FCSK: variants seen among roughly 807,000 people sequenced by gnomAD.
FCSK encodes the protein fucose kinase, also known as L-fucose kinase.
A neutral mutation model predicts 122.5 loss-of-function variants in FCSK; 123 were observed. That is an observed-to-expected ratio of 1.00 (90% CI 0.87 to 1.17). FCSK has a LOEUF of 1.17. Ranked by LOEUF, FCSK falls within the 50% of genes most tolerant of loss-of-function variation. FCSK has a pLI of 0.00. For missense variants in FCSK, 1,366 were observed against 1,450.4 expected (o/e 0.94, Z 0.95); for synonymous variants, 620 against 625.5 (o/e 0.99, Z 0.13).
chr16:70,474,448 GAC>G, intron 16 of FCSK, 78 bp from the exon 17 acceptor site: 3 of 1,546,290 alleles, frequency 1.9e-6, no homozygotes, highest in Non-Finnish European at 2.6e-6. Context: ...GGTACCCCGG[GAC>G]AGTCAGGTCC....
chr16:70,466,436 T>C (rs773211047), intron 5 of FCSK, 179 bp downstream of exon 5: 110 of 729,122 alleles, frequency 1.5e-4, no homozygotes, highest in Admixed American at 2.4e-4. Context: ...CTCATGCCTA[T>C]AATTTCAGCA....
At position 70,479,793 on chromosome 16, in the gene FCSK, C is replaced by T. The variant is rs1296235830; in HGVS notation, c.*113C>T. ...CCCACCCACCTCTGCGAATCTGCTC[C>T]CAAAGGAAGCTGACCAGAGCAAGAT... On this transcript the variant is annotated 3_prime_UTR_variant, in exon 24 of 24. Coordinates refer to ENST00000288078, the MANE Select transcript of FCSK (RefSeq NM_145059.3). 1.1e-5 allele frequency: 8 copies of T among 760,044 alleles called. No homozygotes were observed. In the East Asian group the frequency reaches 2.2e-4, roughly 20 times the overall value. 47.1% of individuals were successfully genotyped at this position (760,044 alleles called of 1,614,324 possible).
At chr16:70,460,961 G>A (rs1467506210) in intron 1 of FCSK, among the ~76,000 whole-genome samples, 1 of 152,228 alleles carries the variant, frequency 6.6e-6, no homozygotes, top group Non-Finnish European at 1.5e-5. Flanking sequence ...GGGAGGGCTT[G>A]GTGGGCATCC....
At chr16:70,456,289 C>G (rs1472817822) in intron 1 of FCSK, among the ~76,000 whole-genome samples, 1 of 152,232 alleles carries the variant, frequency 6.6e-6, no homozygotes, top group Admixed American at 6.5e-5. Context: ...TTTTAAACTA[C>G]AGTTTTCTTG....
rs2048923793 is a variant in FCSK at position 70,479,310 on chromosome 16, C to A, written c.3060C>A (p.Ser1020Arg). 2.5e-6 allele frequency: 4 copies of A among 1,613,948 alleles called. No individual in the cohort carries two copies. The highest frequency in any genetic ancestry group is 3.4e-6 in the Non-Finnish European group (4 of 1,180,044). Residue 1020 changes from serine to arginine, a missense_variant, in exon 23 of 24, where the codon AGC (serine) becomes AGA (arginine). Ser to Arg is a moderately radical substitution (Grantham distance 110, BLOSUM62 -1). Coordinates refer to ENST00000288078, the MANE Select transcript of FCSK (RefSeq NM_145059.3). ...TGGCCCCCCACGTGCATGGCCAGAG[C>A]CTGGCTGGGGCAGGCGGTGGAGGCT... ...DVLAPHVHGQ[S>R]LAGAGGGGFL...
At chr16:70,459,468 G>A (rs1450092673) in intron 1 of FCSK, among the ~76,000 whole-genome samples, 1 of 152,032 alleles carries the variant, frequency 6.6e-6, no homozygotes, top group African/African-American at 2.4e-5. Context: ...AACCCAGGAG[G>A]TGGAGATTAC....
Position 70,478,538 on chromosome 16 carries a change from GC to G in FCSK, c.2830-9del, listed in dbSNP as rs1567714968. 1 of 1,613,542 alleles carries G rather than the reference GC, an allele frequency of 6.2e-7. No individual in the cohort carries two copies. ...CTGGGTCCTCACCACCCCTTCTCCTGCCCCGTCCGCAGGATGTGCTGAGGAG... is the reference window on the plus strand; with the variant it reads ...CTGGGTCCTCACCACCCCTTCTCCTGCCCGTCCGCAGGATGTGCTGAGGAG... On this transcript the variant is annotated splice_polypyrimidine_tract_variant and intron_variant, in intron 21 of 23. Coordinates refer to ENST00000288078, the MANE Select transcript of FCSK (RefSeq NM_145059.3).
At chr16:70,470,071 C>T (rs2048561885) in intron 10 of FCSK, among the ~76,000 whole-genome samples, 1 of 151,694 alleles carries the variant, frequency 6.6e-6, no homozygotes, top group South Asian at 2.1e-4. Context: ...TCTCGAACTC[C>T]TGACCTCGTG....
intron 2 of FCSK, 36 bp downstream of exon 2, chr16:70,463,308 A>G (rs375505442): frequency 1.3e-6 from 2 of 1,555,980 alleles, no homozygotes; most frequent in African/African-American, 2.7e-5. Context: ...CCCCTAATGG[A>G]GAACCTCCCT....
intron 10 of FCSK, 116 bp downstream of exon 10, chr16:70,469,439 C>G: frequency 1.0e-6 from 1 of 973,778 alleles, no homozygotes; most frequent in Non-Finnish European, 1.5e-6. Flanking sequence ...CTGGGCAGTT[C>G]TCCTGTCCTG....
chr16:70,469,584 CTCTT>C (rs1282985108), intron 10 of FCSK, among the ~76,000 whole-genome samples: 2 of 152,148 alleles, frequency 1.3e-5, no homozygotes, highest in African/African-American at 2.4e-5. Context: ...GACGGACTCT[CTCTT>C]TGTCGCCCCG....
At position 70,467,916 on chromosome 16, in the gene FCSK, A is replaced by G. The variant is rs745379846; in HGVS notation, c.613A>G (p.Thr205Ala). The G allele has an allele frequency of 1.2e-6, 2 of 1,614,126 alleles. No individual in the cohort carries two copies. The highest frequency in any genetic ancestry group is 1.7e-6 in the Non-Finnish European group (2 of 1,180,014). The change falls in exon 8 of 24, where the codon ACT (threonine) becomes GCT (alanine). Residue 205 changes from threonine (T) to alanine (A), a missense_variant. By Grantham distance (58) the Thr-to-Ala change is moderately conservative (BLOSUM62 0). Transcript: ENST00000288078. ...GLVLDIYYQGTEAEIQRCVRP... is the reference protein window; with the variant it reads ...GLVLDIYYQGAEAEIQRCVRP... ...TGTTTTGGACATTTACTACCAGGGC[A>G]CTGAGGCAGAGATTCAGCGGTGTGT...
At chr16:70,469,958 C>T (rs999639725) in intron 10 of FCSK, among the ~76,000 whole-genome samples, 1 of 152,112 alleles carries the variant, frequency 6.6e-6, no homozygotes, top group African/African-American at 2.4e-5. Flanking sequence ...GATTCTCCTG[C>T]CTCAGCTGCC....
chr16:70,474,728 G>C, intron 17 of FCSK, 34 bp downstream of exon 17: 1 of 1,571,048 alleles, frequency 6.4e-7, no homozygotes, highest in South Asian at 1.2e-5. Context: ...GTTGAGGGTA[G>C]CTGCCCCAGA....
At chr16:70,458,163 CTTTT>C (rs35217051) in intron 1 of FCSK, among the ~76,000 whole-genome samples, 19 of 140,392 alleles carry the variant, frequency 1.4e-4, no homozygotes, top group African/African-American at 4.1e-4. Flanking sequence ...TTCTTTCTTT[CTTTT>C]TTTTTTTTTT....
At chr16:70,462,705 C>T (rs750135078) in intron 1 of FCSK, among the ~76,000 whole-genome samples, 5 of 151,962 alleles carry the variant, frequency 3.3e-5, no homozygotes, top group African/African-American at 7.3e-5. Flanking sequence ...AGTGCAGTGG[C>T]GCGATCTTGG....
At chr16:70,462,945 G>A (rs1041204324) in intron 1 of FCSK, among the ~76,000 whole-genome samples, 48 of 151,950 alleles carry the variant, frequency 3.2e-4, no homozygotes, top group African/African-American at 1.1e-3. Context: ...GCACCCGGCC[G>A]ACATTTTCTA....
Position 70,474,318 on chromosome 16 carries a change from A to G in FCSK, c.1967A>G (p.Glu656Gly). The G allele has an allele frequency of 6.2e-7, 1 of 1,613,582 alleles. No homozygotes were observed. Among genetic ancestry groups the G allele is most frequent in the Non-Finnish European group, 8.5e-7 (1 of 1,179,934 alleles). ...GCGGGCGTGGAGGCGCTTGCCCAGG[A>G]GAGGGACAAGTGGCTAAGCAGGTGT... ...LAAGVEALAQ[E>G]RDKWLSRPAL... The change falls in exon 16 of 24, where the codon GAG (glutamate) becomes GGG (glycine). Residue 656 changes from glutamate to glycine, a missense_variant. Physicochemically the swap from Glu to Gly is moderately conservative, Grantham distance 98. Coordinates refer to ENST00000288078, the MANE Select transcript of FCSK (RefSeq NM_145059.3).
At chr16:70,474,423 G>A in intron 16 of FCSK, 84 bp downstream of exon 16, 3 of 1,554,290 alleles carry the variant, frequency 1.9e-6, no homozygotes, top group Non-Finnish European at 2.6e-6. Flanking sequence ...CCCAGAGAGA[G>A]GTGGGGCTCC....
Sources: gnomAD v4.1 joint callset for allele counts (sites outside exome capture counted in the v4.1 genomes callset) on GRCh38, gnomAD v4.1.1 for gene constraint, MANE v1.5 for transcripts, NCBI Gene and HGNC (gene_info 2026-07-23, HGNC 2026-07-21) for gene names.